SLC25A26: variants seen among roughly 807,000 people sequenced by gnomAD.
SLC25A26 encodes solute carrier family 25 member 26.
A neutral mutation model predicts 37.8 loss-of-function variants in SLC25A26; 36 were observed. That is an observed-to-expected ratio of 0.95 (90% CI 0.73 to 1.26). The LOEUF (loss-of-function observed/expected upper bound fraction) is 1.26, where lower values mean the gene tolerates loss of function less well. Ranked by LOEUF, SLC25A26 falls within the 50% of genes most tolerant of loss-of-function variation. The pLI is 0.00. For synonymous variants in SLC25A26, 129 were observed against 122.5 expected, an observed-to-expected ratio of 1.05 and a Z score of -0.35; for missense variants, 390 against 331.1, an observed-to-expected ratio of 1.18 and a Z score of -1.38.
chr3:66,373,363 T>TA (rs770596434), intron 9 of SLC25A26, among the ~76,000 whole-genome samples: 6 of 152,258 alleles, frequency 3.9e-5, no homozygotes, highest in Admixed American at 2.6e-4. Context: ...AGGCCGTAAT[T>TA]ACGTTAATAG....
At chr3:66,292,905 G>A (rs542310079) in intron 5 of SLC25A26, among the ~76,000 whole-genome samples, 8 of 152,152 alleles carry the variant, frequency 5.3e-5, no homozygotes, top group South Asian at 4.1e-4. Context: ...CATTCTCCCC[G>A]TCACTTTGAG....
chr3:66,237,115 G>T (rs912474948), intron 2 of SLC25A26, among the ~76,000 whole-genome samples: 1 of 152,094 alleles, frequency 6.6e-6, no homozygotes, highest in Non-Finnish European at 1.5e-5. Flanking sequence ...TGGGATTATA[G>T]TCGGCATGAG....
chr3:66,190,062 G>A (rs1459998500), intron 1 of SLC25A26, among the ~76,000 whole-genome samples: 2 of 152,084 alleles, frequency 1.3e-5, no homozygotes, highest in African/African-American at 2.4e-5. Context: ...CTGGAATCCC[G>A]GCACTTTGGG....
chr3:66,307,120 C>G (rs867437461), intron 5 of SLC25A26, among the ~76,000 whole-genome samples: 5 of 152,222 alleles, frequency 3.3e-5, no homozygotes, highest in African/African-American at 1.2e-4. Flanking sequence ...TACACTCCCA[C>G]CAACAGTGTG....
chr3:66,205,358 C>T (rs2071162901), intron 1 of SLC25A26, among the ~76,000 whole-genome samples: 1 of 152,268 alleles, frequency 6.6e-6, no homozygotes, highest in East Asian at 1.9e-4. Flanking sequence ...AGCAGATGCA[C>T]TCATAGGTGT....
At chr3:66,298,869 G>C (rs1206353861) in intron 5 of SLC25A26, among the ~76,000 whole-genome samples, 1 of 152,128 alleles carries the variant, frequency 6.6e-6, no homozygotes, top group Non-Finnish European at 1.5e-5. Context: ...TTTGGCATAG[G>C]TTGTTTCTAT....
At position 66,352,560 on chromosome 3, in the gene SLC25A26, G is replaced by C. The variant is rs114903887; in HGVS notation, c.498+6152G>C. On this transcript the variant is annotated intron_variant, in intron 6 of 9. Coordinates refer to ENST00000354883, the MANE Select transcript of SLC25A26 (RefSeq NM_001379210.1). ...TATGTGTGATAATTTTTTTAATTTT[G>C]ATTTTTTTCATATTTTTGAAAATTG... Among the ~76,000 whole-genome samples, 867 of 146,994 alleles carry C rather than the reference G, an allele frequency of 5.9e-3. 11 individuals carry two copies. Among genetic ancestry groups the C allele is most frequent in the African/African-American group, 0.021 (827 of 39,704 alleles).
chr3:66,358,531 G>C (rs573966378), intron 6 of SLC25A26, among the ~76,000 whole-genome samples: 54 of 152,290 alleles, frequency 3.5e-4, no homozygotes, highest in African/African-American at 1.3e-3. Context: ...GTGTTACCAG[G>C]ACAACTATAT....
chr3:66,257,486 T>A (rs1490266395), intron 3 of SLC25A26, among the ~76,000 whole-genome samples: 2 of 152,164 alleles, frequency 1.3e-5, no homozygotes, highest in Admixed American at 6.5e-5. Context: ...AGTTGAGCCC[T>A]GAACCAAAGA....
Position 66,300,251 on chromosome 3 carries a change from G to GT in SLC25A26, c.453+36876dup, listed in dbSNP as rs1309490705. Among the ~76,000 whole-genome samples, 262 of 111,568 alleles carry GT rather than the reference G, an allele frequency of 2.3e-3. 2 individuals are homozygous for GT. Among genetic ancestry groups the GT allele is most frequent in the African/African-American group, 7.3e-3 (223 of 30,490 alleles). 73.2% of individuals were successfully genotyped at this position (111,568 alleles called of 152,430 possible). A position where few individuals can be genotyped will look rare whatever the true frequency, so the allele number is the denominator to read the frequency against. Reference sequence around the variant, plus strand: ...TGGACTTCTAGGCTAGGGTTTTTTTGTTTTGTTTTTTTTTTTTTTTTTGGT... The same window carrying GT: ...TGGACTTCTAGGCTAGGGTTTTTTTGTTTTTGTTTTTTTTTTTTTTTTTGGT... On this transcript the variant is annotated intron_variant, in intron 5 of 9. Transcript: ENST00000354883.
chr3:66,152,637 A>C (rs1418942887), intron 1 of SLC25A26, among the ~76,000 whole-genome samples: 1 of 152,182 alleles, frequency 6.6e-6, no homozygotes, highest in Non-Finnish European at 1.5e-5. Flanking sequence ...CCCAGCCGTC[A>C]AGAAAAGGTC....
At chr3:66,367,148 T>G (rs928180788) in intron 7 of SLC25A26, among the ~76,000 whole-genome samples, 1 of 152,228 alleles carries the variant, frequency 6.6e-6, no homozygotes, top group Non-Finnish European at 1.5e-5. Flanking sequence ...TCATTAGCTC[T>G]GGCCACCAAG....
intron 9 of SLC25A26, among the ~76,000 whole-genome samples, chr3:66,374,226 G>A (rs1276518148): frequency 5.3e-5 from 8 of 152,200 alleles, no homozygotes; most frequent in African/African-American, 1.2e-4. Context: ...GCAACCCTGC[G>A]TTGAGCGAGT....
intron 1 of SLC25A26, among the ~76,000 whole-genome samples, chr3:66,199,036 C>A (rs936512615): frequency 4.6e-5 from 7 of 151,894 alleles, no homozygotes; most frequent in Non-Finnish European, 8.8e-5. Context: ...CTGACCCTTA[C>A]TCTGATCTTG....
intron 3 of SLC25A26, among the ~76,000 whole-genome samples, chr3:66,258,750 C>T (rs35934870): frequency 0.12 from 17,542 of 151,808 alleles, 1,380 homozygotes; most frequent in African/African-American, 0.19. Flanking sequence ...CTCAGGAGGC[C>T]AAGGTGGGAG....
At chr3:66,175,725 A>G (rs1664866826) in intron 1 of SLC25A26, among the ~76,000 whole-genome samples, 1 of 152,238 alleles carries the variant, frequency 6.6e-6, no homozygotes, top group Non-Finnish European at 1.5e-5. Context: ...TGTCTCAGAT[A>G]AAAGGCAGCG....
chr3:66,182,031 G>A (rs921961483), intron 1 of SLC25A26, among the ~76,000 whole-genome samples: 1 of 152,048 alleles, frequency 6.6e-6, no homozygotes, highest in African/African-American at 2.4e-5. Context: ...TGGCTTTCAA[G>A]GATATATTAT....
At chr3:66,230,805 C>CAAAAA (rs74185176) in intron 1 of SLC25A26, among the ~76,000 whole-genome samples, 2 of 53,920 alleles carry the variant, frequency 3.7e-5, no homozygotes, top group Non-Finnish European at 5.7e-5. Flanking sequence ...AACTCTGTCT[C>CAAAAA]AAAAAAAAAA....
chr3:66,138,939 C>A (rs543768955), intron 1 of SLC25A26, among the ~76,000 whole-genome samples: 3 of 152,202 alleles, frequency 2.0e-5, no homozygotes, highest in African/African-American at 4.8e-5. Flanking sequence ...TTTTGAGATT[C>A]TTTTTTATAA....
Sources: allele counts gnomAD v4.1 joint callset (sites outside exome capture counted in the v4.1 genomes callset), GRCh38; gene constraint gnomAD v4.1.1; transcripts MANE v1.5; gene names NCBI Gene and HGNC (gene_info 2026-07-23, HGNC 2026-07-21).